Variants in MYBL2 observed in about 807,000 individuals in gnomAD.
MYBL2 encodes the protein myb-related protein B.
Under a neutral mutation model 79.9 loss-of-function variants are expected in MYBL2, and 28 were observed. The observed-to-expected ratio is 0.35, with a 90% CI of 0.26 to 0.48. The LOEUF (loss-of-function observed/expected upper bound fraction) is 0.48. MYBL2 is among the 20% of genes least tolerant of loss of function. The probability of loss-of-function intolerance (pLI) is 0.99; values close to 1 mark genes in which losing one functional copy is unlikely to be tolerated. For synonymous variants in MYBL2, 378 were observed against 361.2 expected, an observed-to-expected ratio of 1.05 and a Z score of -0.53; for missense variants, 735 against 893.9, an observed-to-expected ratio of 0.82 and a Z score of 2.27.
chr20:43,714,683 A>G (rs1392642196), intron 12 of MYBL2, among the ~76,000 whole-genome samples: 2 of 151,838 alleles, frequency 1.3e-5, no homozygotes, highest in East Asian at 3.9e-4. Context: ...GCTGGAATGC[A>G]GTGGTGCAAT....
At chr20:43,669,918 A>G (rs142048016) in intron 1 of MYBL2, among the ~76,000 whole-genome samples, 2 of 152,312 alleles carry the variant, frequency 1.3e-5, no homozygotes, top group East Asian at 1.9e-4. Context: ...CTTGACCAAT[A>G]TGGTGAAACT....
chr20:43,675,685 G>T (rs1265359372), intron 2 of MYBL2, among the ~76,000 whole-genome samples: 1 of 152,070 alleles, frequency 6.6e-6, no homozygotes. Flanking sequence ...GTTTTCTGTG[G>T]TCCTTTGTGG....
intron 7 of MYBL2, among the ~76,000 whole-genome samples, chr20:43,700,954 C>T (rs1041329845): frequency 6.6e-6 from 1 of 152,212 alleles, no homozygotes; most frequent in Non-Finnish European, 1.5e-5. Context: ...TGAGTAATTA[C>T]AGTACCTAAC....
chr20:43,682,743 G>A lies in MYBL2; in HGVS notation c.187-51G>A, dbSNP rs192858230. ...TAGTACTTAACCAGGCCCCCAGCCC[G>A]AGGTCCCAGAAGTTCTCACAGATTG... On this transcript the variant is annotated intron_variant, in intron 3 of 13. Transcript: ENST00000217026. The A allele has an allele frequency of 5.1e-6, 8 of 1,578,512 alleles. No individual in the cohort carries two copies. The East Asian group carries it at 9.0e-5, about 18-fold the overall frequency.
chr20:43,667,559 G>C (rs989823742), intron 1 of MYBL2, among the ~76,000 whole-genome samples: 3 of 152,110 alleles, frequency 2.0e-5, no homozygotes, highest in Admixed American at 2.0e-4. Flanking sequence ...CGGGTCTCTT[G>C]GGACCCGGGC....
intron 2 of MYBL2, among the ~76,000 whole-genome samples, chr20:43,680,578 A>G (rs1056201710): frequency 1.3e-5 from 2 of 151,040 alleles, no homozygotes; most frequent in African/African-American, 2.4e-5. Flanking sequence ...GCTCACTGCA[A>G]CCTCCGCCTC....
chr20:43,713,148 A>C, intron 12 of MYBL2, 42 bp downstream of exon 12: 1 of 1,516,194 alleles, frequency 6.6e-7, no homozygotes, highest in Non-Finnish European at 9.0e-7. Context: ...TTTGGAGAGG[A>C]CCCTCAAGGT....
intron 12 of MYBL2, among the ~76,000 whole-genome samples, chr20:43,713,444 A>G (rs539513003): frequency 6.6e-5 from 10 of 150,634 alleles, no homozygotes; most frequent in South Asian, 6.3e-4. Context: ...CTGGAGTGCA[A>G]TGGTGCCATC....
In MYBL2 at chr20:43,702,613, C is replaced by T. The variant is rs1987697421; in HGVS notation, c.1075C>T (p.Arg359Cys). 9 of 1,614,046 alleles carry T rather than the reference C, an allele frequency of 5.6e-6. No homozygotes were observed. The highest frequency in any genetic ancestry group is 2.2e-5 in the South Asian group (2 of 91,092). The change falls in exon 8 of 14, where the codon CGC becomes TGC. Residue 359 changes from arginine (R) to cysteine (C), a missense_variant. Around this residue, in one of 5 missense-constraint regions of MYBL2, gnomAD observed 243 missense variants for 327.2 expected, o/e 0.74. Transcript: ENST00000217026. ...ASHQQQVLPP[R>C]QPSALVPSVT... ...ACATCAGCAGCAAGTCCTGCCACCCCGCCAGCCTTCCGCCCTGGTGCCCAG... is the reference window on the plus strand; with the variant it reads ...ACATCAGCAGCAAGTCCTGCCACCCTGCCAGCCTTCCGCCCTGGTGCCCAG...
At chr20:43,690,342 A>AT (rs1987377660) in intron 5 of MYBL2, among the ~76,000 whole-genome samples, 1 of 152,110 alleles carries the variant, frequency 6.6e-6, no homozygotes, top group Non-Finnish European at 1.5e-5. Flanking sequence ...AGTAGCTGGG[A>AT]TTACAGGTAT....
intron 3 of MYBL2, among the ~76,000 whole-genome samples, 193 bp from the exon 4 acceptor site, chr20:43,682,601 G>A (rs563811996): frequency 4.4e-4 from 67 of 152,320 alleles, no homozygotes; most frequent in Non-Finnish European, 7.3e-4. Context: ...GCCCTCTCGT[G>A]TAGCAAAGGG....
rs764273305 is a variant in MYBL2, at chr20:43,683,550, C to CCTTTTTTTTTTTTTTTTTTTT, written c.279+664_279+665insCTTTTTTTTTTTTTTTTTTTT. The stretch of plus-strand genomic sequence containing the variant: ...AAAGAGGGAGATGAAGGGAACTAGG[C>CCTTTTTTTTTTTTTTTTTTTT]ATTTTTTTTTTTTTTTTTTTTGAGA... On this transcript the variant is annotated intron_variant, in intron 4 of 13. Coordinates refer to ENST00000217026, the MANE Select transcript of MYBL2 (RefSeq NM_002466.4). Among the ~76,000 whole-genome samples, 6 of 126,446 alleles carry CCTTTTTTTTTTTTTTTTTTTT rather than the reference C, an allele frequency of 4.7e-5. 3 individuals carry two copies. The highest frequency in any genetic ancestry group is 6.1e-5 in the African/African-American group (2 of 32,916). The allele number at this position is 126,446 out of a possible 152,430, so 83.0% of individuals were successfully genotyped here.
intron 6 of MYBL2, among the ~76,000 whole-genome samples, chr20:43,694,877 TAGGACAGAGTGAAC>T (rs1323816505): frequency 1.3e-5 from 2 of 152,166 alleles, no homozygotes; most frequent in Non-Finnish European, 2.9e-5. Context: ...ACTTTCAGCA[TAGGACAGAGTGAAC>T]AGATCTCTAG....
At chr20:43,693,942 G>T (rs1265359997) in intron 6 of MYBL2, among the ~76,000 whole-genome samples, 2 of 152,108 alleles carry the variant, frequency 1.3e-5, no homozygotes, top group South Asian at 4.1e-4. Flanking sequence ...CAGCTACTTG[G>T]GAGGCTGAGG....
chr20:43,671,506 C>G (rs188744342), intron 1 of MYBL2, among the ~76,000 whole-genome samples: 1 of 110,304 alleles, frequency 9.1e-6, no homozygotes, highest in Non-Finnish European at 1.7e-5. Flanking sequence ...GAGTTTCGCT[C>G]TTGTTGCCCA....
intron 6 of MYBL2, among the ~76,000 whole-genome samples, chr20:43,696,318 G>C (rs1376696268): frequency 1.3e-5 from 2 of 151,296 alleles, no homozygotes; most frequent in Non-Finnish European, 2.9e-5. Context: ...TTGGCTCACC[G>C]CAACCTCCGC....
intron 2 of MYBL2, among the ~76,000 whole-genome samples, chr20:43,674,442 A>G (rs1386005578): frequency 6.7e-6 from 1 of 149,316 alleles, no homozygotes; most frequent in African/African-American, 2.5e-5. Context: ...GCTGGAGTAT[A>G]GTGGCATGAT....
chr20:43,716,028 CG>C lies in MYBL2; in HGVS notation c.2046del (p.Gln683SerfsTer6). 1 of 1,611,744 alleles carries C rather than the reference CG, an allele frequency of 6.2e-7. No individual in the cohort carries two copies. Among genetic ancestry groups the C allele is most frequent in the Non-Finnish European group, 8.5e-7 (1 of 1,179,842 alleles). On this transcript the variant is annotated frameshift_variant, in exon 14 of 14. Coordinates refer to ENST00000217026, the MANE Select transcript of MYBL2 (RefSeq NM_002466.4). LOFTEE classifies it high-confidence loss of function. ...RDQLFMQEKA[R>X]QLLGRLKPSH... ...CCAGCTTTTCATGCAGGAGAAAGCC[CG>C]GCAGCTCCTGGGCCGCCTGAAGCCC...
intron 5 of MYBL2, among the ~76,000 whole-genome samples, chr20:43,691,831 C>T (rs1331990507): frequency 6.6e-6 from 1 of 151,542 alleles, no homozygotes; most frequent in East Asian, 1.9e-4. Flanking sequence ...GGTGAGCCAC[C>T]GCACTCGGCA....
Sources: gnomAD v4.1 joint callset for allele counts (sites outside exome capture counted in the v4.1 genomes callset) on GRCh38, gnomAD v4.1.1 for gene constraint, gnomAD v4.1.1 regional missense constraint, MANE v1.5 for transcripts, NCBI Gene and HGNC (gene_info 2026-07-23, HGNC 2026-07-21) for gene names.